LARGE1: variants seen among roughly 807,000 people sequenced by gnomAD.
LARGE1 encodes the protein LARGE xylosyl- and glucuronyltransferase 1, also known as xylosyl- and glucuronyltransferase LARGE1.
A neutral mutation model predicts 87.6 loss-of-function variants in LARGE1; 43 were observed. That is an observed-to-expected ratio of 0.49 (90% confidence interval 0.38 to 0.63). The LOEUF is 0.63. Ranked by LOEUF, LARGE1 falls within the 30% of genes least tolerant of loss-of-function variation. LARGE1 has a pLI of 0.00. For synonymous variants in LARGE1, 434 were observed against 394.6 expected, an observed-to-expected ratio of 1.10 and a Z score of -1.18; for missense variants, 802 against 1,000.2, an observed-to-expected ratio of 0.80 and a Z score of 2.67.
intron 6 of LARGE1, among the ~76,000 whole-genome samples, chr22:33,437,612 G>GTCCTACACTCTGC (rs542226541): frequency 2.6e-3 from 403 of 152,150 alleles, no homozygotes; most frequent in African/African-American, 8.7e-3. Context: ...GAACTCCCTG[G>GTCCTACACTCTGC]TCCTACACTC....
intron 2 of LARGE1, among the ~76,000 whole-genome samples, chr22:33,665,637 A>G (rs2081247368): frequency 6.6e-6 from 1 of 152,200 alleles, no homozygotes; most frequent in African/African-American, 2.4e-5. Context: ...TCATACCTGT[A>G]ATTCCAGCAC....
chr22:33,359,637 C>T (rs1166504650), intron 9 of LARGE1, among the ~76,000 whole-genome samples: 1 of 147,406 alleles, frequency 6.8e-6, no homozygotes, highest in African/African-American at 2.5e-5. Context: ...GATCTTGGCT[C>T]ACTGCAAGCT....
chr22:33,430,580 A>G (rs724776), intron 7 of LARGE1, among the ~76,000 whole-genome samples: 105,642 of 152,030 alleles, frequency 0.69, 38,011 homozygotes, highest in African/African-American at 0.88. Context: ...CCTGGTAGGC[A>G]TTACAGGAAA....
At chr22:33,493,926 G>A (rs1262138594) in intron 6 of LARGE1, among the ~76,000 whole-genome samples, 2 of 152,188 alleles carry the variant, frequency 1.3e-5, no homozygotes, top group East Asian at 1.9e-4. Flanking sequence ...CCAACTGGGT[G>A]GCAGTCACAA....
Position 33,698,198 on chromosome 22 carries a change from G to A in LARGE1, c.107-47530C>T, listed in dbSNP as rs117712827. Among the ~76,000 whole-genome samples the A allele has an allele frequency of 6.2e-3, 942 of 151,984 alleles. 7 individuals are homozygous for A. The highest frequency in any genetic ancestry group is 0.01 in the Non-Finnish European group (706 of 67,966). On this transcript the variant is annotated intron_variant, in intron 2 of 14. Coordinates refer to ENST00000397394, the MANE Select transcript of LARGE1 (RefSeq NM_133642.5). ...AGTGATTCTCTTGCCTCAGGCTGCC[G>A]AGTAGCTGAGAGTACAGGAGCACGC...
chr22:33,764,390 T>C (rs751949709), intron 1 of LARGE1, among the ~76,000 whole-genome samples: 5 of 152,120 alleles, frequency 3.3e-5, no homozygotes, highest in Middle Eastern at 3.2e-3. Context: ...CAAATGGGCA[T>C]AGTATTTGCA....
At chr22:33,861,739 A>G (rs1369017382) in intron 1 of LARGE1, 1 of 152,376 alleles carries the variant, frequency 6.6e-6, no homozygotes, top group Non-Finnish European at 1.5e-5. Context: ...GGGATTATGC[A>G]ACTCACTTCT....
intron 2 of LARGE1, among the ~76,000 whole-genome samples, chr22:33,681,987 C>CATGCAAAGACCAAGAATCTG (rs1298399904): frequency 1.3e-5 from 2 of 152,144 alleles, no homozygotes; most frequent in Admixed American, 6.5e-5. Context: ...GCACTTCTAC[C>CATGCAAAGACCAAGAATCTG]ATGCAAAGAC....
At chr22:33,845,157 G>C (rs140242904) in intron 1 of LARGE1, among the ~76,000 whole-genome samples, 1 of 152,218 alleles carries the variant, frequency 6.6e-6, no homozygotes, top group East Asian at 1.9e-4. Context: ...CCACTTACCT[G>C]AGTCTCTCTC....
At chr22:33,327,916 T>C in intron 10 of LARGE1, among the ~76,000 whole-genome samples, 1 of 152,148 alleles carries the variant, frequency 6.6e-6, no homozygotes, top group Admixed American at 6.5e-5. Flanking sequence ...AAGGACTTGT[T>C]ATAGTTCATT....
chr22:33,761,583 G>T, intron 1 of LARGE1, 25 bp from the exon 2 acceptor site: 1 of 868,248 alleles, frequency 1.2e-6, no homozygotes, highest in Non-Finnish European at 1.9e-6. Context: ...AAAGAGGAAG[G>T]CCTGAGTTCT....
chr22:33,159,060 G>T (rs538726540), downstream of LARGE1, among the ~76,000 whole-genome samples: 1 of 152,150 alleles, frequency 6.6e-6, no homozygotes, highest in African/African-American at 2.4e-5. Flanking sequence ...ATCAACACTT[G>T]CAGATTCTCT....
the LARGE1 span, among the ~76,000 whole-genome samples, chr22:33,144,687 A>G: frequency 6.6e-6 from 1 of 152,174 alleles, no homozygotes. Context: ...GTGGTGGAAA[A>G]GAGTAGCTGG....
chr22:33,815,713 T>C (rs963790111), intron 1 of LARGE1, among the ~76,000 whole-genome samples: 1 of 152,154 alleles, frequency 6.6e-6, no homozygotes, highest in African/African-American at 2.4e-5. Flanking sequence ...CAGCAGAGAA[T>C]TGTAGCAAGG....
At chr22:33,257,232 A>C (rs938294096) in intron 11 of LARGE1, among the ~76,000 whole-genome samples, 17 of 151,876 alleles carry the variant, frequency 1.1e-4, no homozygotes, top group African/African-American at 2.2e-4. Context: ...CAACAACAAC[A>C]ACCAAAAAAA....
chr22:33,255,243 A>C (rs1239235003), intron 11 of LARGE1, among the ~76,000 whole-genome samples: 1 of 152,188 alleles, frequency 6.6e-6, no homozygotes, highest in Non-Finnish European at 1.5e-5. Context: ...TGGCCCGGGA[A>C]GTAAACTTCT....
intron 5 of LARGE1, among the ~76,000 whole-genome samples, chr22:33,587,771 C>A (rs760569028): frequency 6.6e-6 from 1 of 151,846 alleles, no homozygotes; most frequent in East Asian, 1.9e-4. Flanking sequence ...CACACAGAAA[C>A]CTTCCTCATT....
chr22:33,284,485 G>A lies in LARGE1; in HGVS notation c.1731-1137C>T, dbSNP rs189729428. 1.4e-3 allele frequency among the ~76,000 whole-genome samples: 212 copies of A among 152,146 alleles called. 1 individual carries two copies. The highest frequency in any genetic ancestry group is 3.2e-4 in the Non-Finnish European group (22 of 67,996). Reference sequence around the variant, plus strand: ...GACCCGATCCTGCACGCCTGGGTTTGTCTGCCTTTTCTCAGCTCTGTGGTG... The same window carrying A: ...GACCCGATCCTGCACGCCTGGGTTTATCTGCCTTTTCTCAGCTCTGTGGTG... On this transcript the variant is annotated intron_variant, in intron 12 of 14. Coordinates refer to ENST00000397394, the MANE Select transcript of LARGE1 (RefSeq NM_133642.5).
At chr22:33,915,569 AT>A (rs2065762826) in intron 1 of LARGE1, among the ~76,000 whole-genome samples, 1 of 152,084 alleles carries the variant, frequency 6.6e-6, no homozygotes, top group South Asian at 2.1e-4. Context: ...CCCTTTCTTT[AT>A]TTGCATTGCT....
Sources: allele counts gnomAD v4.1 joint callset (sites outside exome capture counted in the v4.1 genomes callset), GRCh38; gene constraint gnomAD v4.1.1; transcripts MANE v1.5; gene names NCBI Gene and HGNC (gene_info 2026-07-23, HGNC 2026-07-21).